The following RELN variants were observed in gnomAD, a reference collection of about 807,000 sequenced individuals.
The protein encoded by RELN is reelin.
Under a neutral mutation model 427.6 loss-of-function variants are expected in RELN, and 108 were observed. The observed-to-expected ratio is 0.25, with a 90% CI of 0.22 to 0.30. The LOEUF (loss-of-function observed/expected upper bound fraction) is 0.30. Ranked by LOEUF, RELN falls within the 10% of genes least tolerant of loss-of-function variation. The probability of loss-of-function intolerance (pLI) is 1.00; values close to 1 mark genes in which losing one functional copy is unlikely to be tolerated. For missense variants in RELN, 3,715 were observed against 4,302.8 expected (o/e 0.86, Z 3.82); for synonymous variants, 1,524 against 1,513.4 (o/e 1.01, Z -0.16).
At chr7:103,625,517 C>T (rs10235599) in intron 20 of RELN, among the ~76,000 whole-genome samples, 3,012 of 152,140 alleles carry the variant, frequency 0.02, 110 homozygotes, top group African/African-American at 0.069. Context: ...CTTATATATA[C>T]CAGTTTTCTT....
In RELN at chr7:103,594,335, G is replaced by T. The variant is rs201705793; in HGVS notation, c.3697C>A (p.Pro1233Thr). Reference protein sequence around the residue: ...KQKQIIPVINPTLPQNFYEKP... With the variant: ...KQKQIIPVINTTLPQNFYEKP... The stretch of plus-strand genomic sequence containing the variant: ...TAGGAGAATACCTGAGGTAAAGTTG[G>T]ATTGATAACTGGGATGATCTGCTTC... Residue 1233 changes from proline (P) to threonine (T), a missense_variant, in exon 26 of 65, where the codon CCA (proline) becomes ACA (threonine). Physicochemically the swap from Pro to Thr is conservative, Grantham distance 38. This residue lies in a region of RELN where 2,208 missense variants were observed against 2,361.7 expected (regional missense o/e 0.93). Transcript: ENST00000428762. The T allele has an allele frequency of 6.2e-6, 10 of 1,613,840 alleles. No individual in the cohort carries two copies. The highest frequency in any genetic ancestry group is 1.7e-6 in the Non-Finnish European group (2 of 1,179,812).
In RELN at chr7:103,500,822, C is replaced by T. The variant is rs1456617471; in HGVS notation, c.8590G>A (p.Gly2864Arg). The change falls in exon 53 of 65, where the codon GGA (glycine) becomes AGA (arginine). Residue 2864 changes from glycine to arginine, a missense_variant. Physicochemically the swap from Gly to Arg is moderately radical, Grantham distance 125 (BLOSUM62 -2). Coordinates refer to ENST00000428762, the MANE Select transcript of RELN (RefSeq NM_005045.4). ...PGCLDNCRGH[G>R]DCLREQCICD... ...ATGCACTGTTCCCTTAAGCAATCTC[C>T]ATGGCCCCTGCAGTTGTCCAAGCAT... The T allele has an allele frequency of 6.2e-7, 1 of 1,614,132 alleles. No individual in the cohort carries two copies. The highest frequency in any genetic ancestry group is 8.5e-7 in the Non-Finnish European group (1 of 1,180,016).
At position 103,759,834 on chromosome 7, in the gene RELN, G is replaced by A. The variant is rs150204450; in HGVS notation, c.545-6620C>T. On this transcript the variant is annotated intron_variant, in intron 4 of 64. Transcript: ENST00000428762. Reference sequence around the variant, plus strand: ...TACAGCATCTCACAGATTATAATGAGTGGTTTATCCTTACGACAGTTTCTC... The same window carrying A: ...TACAGCATCTCACAGATTATAATGAATGGTTTATCCTTACGACAGTTTCTC... Among the ~76,000 whole-genome samples, 149 of 152,074 alleles carry A rather than the reference G, an allele frequency of 9.8e-4. 2 individuals are homozygous for A. In the East Asian group the frequency reaches 0.019, roughly 20 times the overall value.
intron 10 of RELN, among the ~76,000 whole-genome samples, chr7:103,695,714 C>G (rs1431643137): frequency 6.6e-6 from 1 of 151,980 alleles, no homozygotes; most frequent in Non-Finnish European, 1.5e-5. Flanking sequence ...AATCCCAGGC[C>G]CCGAGGTCTC....
chr7:103,823,016 T>C (rs915603025), intron 3 of RELN, among the ~76,000 whole-genome samples: 9 of 152,126 alleles, frequency 5.9e-5, no homozygotes, highest in Non-Finnish European at 1.2e-4. Context: ...CTCAGTATTC[T>C]GCCACCTGAA....
rs558574019 is a variant in RELN, at chr7:103,535,511, AT to A, written c.7181-28del. 2,462 of 1,595,550 alleles carry A rather than the reference AT, an allele frequency of 1.5e-3. 1 individual carries two copies. Among genetic ancestry groups the A allele is most frequent in the Non-Finnish European group, 1.9e-3 (2,214 of 1,163,224 alleles). On this transcript the variant is annotated intron_variant, in intron 45 of 64. Coordinates refer to ENST00000428762, the MANE Select transcript of RELN (RefSeq NM_005045.4). ...TGAAACAGGAAACATTATTTTGGAT[AT>A]AAACACATATCTGCAGACCCAGGAA...
At position 103,566,671 on chromosome 7, in the gene RELN, G is replaced by T. The variant is rs747333689; in HGVS notation, c.4677C>A (p.Ile1559=). 1.2e-6 allele frequency: 2 copies of T among 1,614,148 alleles called. No individual in the cohort carries two copies. The highest frequency in any genetic ancestry group is 1.1e-5 in the South Asian group (1 of 91,086). The part of the protein sequence containing the change: ...LDFMSFLEPQ[I]ISIDLPQDAK... ...CGTCCTGTGGCAGGTCAATGGAAAT[G>T]ATCTGTGGTTCCAGGAAGGACATGA... is the stretch of plus-strand genomic sequence containing the variant. Residue 1559 remains isoleucine (I), a synonymous_variant, in exon 32 of 65, where the codon ATC becomes ATA. Transcript: ENST00000428762.
At chr7:103,847,302 AAACT>A (rs1420443891) in intron 2 of RELN, among the ~76,000 whole-genome samples, 1 of 152,198 alleles carries the variant, frequency 6.6e-6, no homozygotes, top group Non-Finnish European at 1.5e-5. Context: ...CATTCTCAGC[AAACT>A]AACACAAGAA....
Position 103,486,246 on chromosome 7 carries a change from A to G in RELN, c.9934T>C (p.Cys3312Arg). 1 of 1,614,126 alleles carries G rather than the reference A, an allele frequency of 6.2e-7. No individual in the cohort carries two copies. The highest frequency in any genetic ancestry group is 8.5e-7 in the Non-Finnish European group (1 of 1,180,030). Reference protein sequence around the residue: ...AHGDSLYFNGCQIRQAATKPL... With the variant: ...AHGDSLYFNGRQIRQAATKPL... The stretch of plus-strand genomic sequence containing the variant: ...TTGGTAGCTGCTTGCCTGATCTGAC[A>G]GCCATTAAAGTACAGTGAGTCTCCA... Residue 3312 changes from cysteine (C) to arginine (R), a missense_variant, in exon 61 of 65, where the codon TGT becomes CGT. Physicochemically the swap from Cys to Arg is radical, Grantham distance 180. This residue lies in a region of RELN where 195 missense variants were observed against 281.3 expected (regional missense o/e 0.69). Transcript: ENST00000428762.
Position 103,650,340 on chromosome 7 carries a change from G to A in RELN, c.1936C>T (p.Arg646Trp), listed in dbSNP as rs115831287. 1.3e-5 allele frequency: 21 copies of A among 1,612,960 alleles called. No homozygotes were observed. In the East Asian group the frequency reaches 2.2e-4, roughly 17 times the overall value. The change falls in exon 16 of 65, where the codon CGG becomes TGG. Residue 646 changes from arginine to tryptophan, a missense_variant. By Grantham distance (101) the Arg-to-Trp change is moderately radical (BLOSUM62 -3). Around this residue, in one of 4 missense-constraint regions of RELN, gnomAD observed 2,208 missense variants for 2,361.7 expected, o/e 0.93. Coordinates refer to ENST00000428762, the MANE Select transcript of RELN (RefSeq NM_005045.4). Reference sequence around the variant, plus strand: ...TGTCTCCAGCGAATCCTGGTGTTCCGGGTTAGTGCTGCGTTAGGAAGGGGA... The same window carrying A: ...TGTCTCCAGCGAATCCTGGTGTTCCAGGTTAGTGCTGCGTTAGGAAGGGGA... ...TIPLPNAALT[R>W]NTRIRWRQTG... is the part of the protein sequence containing the mutation.
At chr7:103,604,277 C>T in intron 23 of RELN, 69 bp downstream of exon 23, 2 of 1,584,352 alleles carry the variant, frequency 1.3e-6, no homozygotes, top group Non-Finnish European at 1.7e-6. Flanking sequence ...CTGATGACAA[C>T]TGCTGTGGTA....
chr7:103,797,359 C>G (rs1328468826), intron 3 of RELN, among the ~76,000 whole-genome samples: 1 of 152,136 alleles, frequency 6.6e-6, no homozygotes, highest in Non-Finnish European at 1.5e-5. Context: ...CCTGGCTTGG[C>G]CTCCCAAAGT....
chr7:103,909,174 T>A (rs1192476529), intron 2 of RELN, among the ~76,000 whole-genome samples: 1 of 152,134 alleles, frequency 6.6e-6, no homozygotes, highest in Non-Finnish European at 1.5e-5. Context: ...CATGCATTCA[T>A]AATATACATC....
chr7:103,607,485 C>T (rs1296183451), intron 22 of RELN, among the ~76,000 whole-genome samples: 1 of 152,162 alleles, frequency 6.6e-6, no homozygotes, highest in Non-Finnish European at 1.5e-5. Context: ...CTTTCTCTAC[C>T]TCTCAAAACT....
intron 2 of RELN, among the ~76,000 whole-genome samples, chr7:103,850,136 A>G (rs991486989): frequency 1.3e-5 from 2 of 152,174 alleles, no homozygotes; most frequent in Non-Finnish European, 2.9e-5. Context: ...AAAATATATC[A>G]TAGGTTCATA....
At chr7:103,674,907 A>G (rs1833480331) in intron 11 of RELN, among the ~76,000 whole-genome samples, 1 of 152,240 alleles carries the variant, frequency 6.6e-6, no homozygotes, top group Admixed American at 6.5e-5. Context: ...AGATCTATTT[A>G]TGACAAACCC....
intron 46 of RELN, among the ~76,000 whole-genome samples, chr7:103,533,956 C>A (rs1829995935): frequency 6.6e-6 from 1 of 152,080 alleles, no homozygotes. Flanking sequence ...CATGGCAACA[C>A]CTTTAATGAG....
chr7:103,763,153 T>C (rs1457961292), intron 4 of RELN, among the ~76,000 whole-genome samples: 1 of 152,198 alleles, frequency 6.6e-6, no homozygotes, highest in African/African-American at 2.4e-5. Context: ...TAACCAACTC[T>C]GAGTTTTGTT....
Position 103,807,252 on chromosome 7 carries a change from A to C in RELN, c.473+26285T>G, listed in dbSNP as rs144044587. 2.5e-3 allele frequency among the ~76,000 whole-genome samples: 385 copies of C among 152,310 alleles called. 5 individuals carry two copies. Among genetic ancestry groups the C allele is most frequent in the African/African-American group, 8.9e-3 (370 of 41,582 alleles). ...AAGACAAGAGAGATGACAACAATAT[A>C]AAAATGTGAGAAACTGGGAAGCCAA... On this transcript the variant is annotated intron_variant, in intron 3 of 64. Coordinates refer to ENST00000428762, the MANE Select transcript of RELN (RefSeq NM_005045.4).
Sources: allele counts gnomAD v4.1 joint callset (sites outside exome capture counted in the v4.1 genomes callset), GRCh38; gene constraint gnomAD v4.1.1; regional missense constraint gnomAD v4.1.1; transcripts MANE v1.5; gene names NCBI Gene and HGNC (gene_info 2026-07-23, HGNC 2026-07-21).